The following JAZF1 variants were observed in gnomAD, a reference collection of about 807,000 sequenced individuals.
The protein encoded by JAZF1 is juxtaposed with another zinc finger protein 1.
JAZF1 carries 8 observed loss-of-function variants against 26.4 expected under a neutral mutation model. That is an observed-to-expected ratio of 0.30 (90% CI 0.18 to 0.55). JAZF1 has a LOEUF of 0.55. Among genes scored for constraint, JAZF1 ranks in the 20% least tolerant of loss-of-function variants. The probability of loss-of-function intolerance (pLI) is 0.94; values close to 1 mark genes in which losing one functional copy is unlikely to be tolerated. For missense variants in JAZF1, 199 were observed against 322.0 expected, an observed-to-expected ratio of 0.62 and a Z score of 2.92; for synonymous variants, 126 against 122.3, an observed-to-expected ratio of 1.03 and a Z score of -0.20.
intron 1 of JAZF1, among the ~76,000 whole-genome samples, chr7:28,149,079 G>A (rs1484928106): frequency 2.6e-5 from 4 of 152,204 alleles, no homozygotes; most frequent in South Asian, 4.1e-4. Context: ...CTGGCATTAC[G>A]TGCTGTCCCC....
chr7:28,100,014 G>A (rs559402340), intron 1 of JAZF1, among the ~76,000 whole-genome samples: 31 of 152,244 alleles, frequency 2.0e-4, no homozygotes, highest in African/African-American at 7.2e-4. Flanking sequence ...ATATACCCAA[G>A]TACTTAAAGT....
At chr7:27,896,513 C>T (rs1019127957) in intron 2 of JAZF1, among the ~76,000 whole-genome samples, 2 of 152,172 alleles carry the variant, frequency 1.3e-5, no homozygotes, top group East Asian at 1.9e-4. Flanking sequence ...CAACACCTCC[C>T]GCATCAATTA....
chr7:28,063,105 T>G (rs922015998), intron 1 of JAZF1, among the ~76,000 whole-genome samples: 1 of 152,204 alleles, frequency 6.6e-6, no homozygotes, highest in African/African-American at 2.4e-5. Context: ...CCCAAGGATT[T>G]AAAGTCAAAT....
intron 1 of JAZF1, among the ~76,000 whole-genome samples, chr7:28,120,201 AG>A (rs1046854648): frequency 6.6e-6 from 1 of 151,256 alleles, no homozygotes; most frequent in Non-Finnish European, 1.5e-5. Flanking sequence ...TAAGCTTTTC[AG>A]GGGTTTAATG....
At chr7:28,047,742 G>A (rs1440672022) in intron 1 of JAZF1, among the ~76,000 whole-genome samples, 1 of 152,044 alleles carries the variant, frequency 6.6e-6, no homozygotes, top group Admixed American at 6.6e-5. Flanking sequence ...GGCCTTTTAT[G>A]CCGTTAACTA....
chr7:28,158,003 A>G (rs1006840695), intron 1 of JAZF1, among the ~76,000 whole-genome samples: 1 of 152,036 alleles, frequency 6.6e-6, no homozygotes, highest in Non-Finnish European at 1.5e-5. Flanking sequence ...GGATTGCCCA[A>G]TGTCTATTCT....
intron 1 of JAZF1, among the ~76,000 whole-genome samples, chr7:28,055,654 G>A (rs1783692918): frequency 6.6e-6 from 1 of 152,092 alleles, no homozygotes; most frequent in South Asian, 2.1e-4. Context: ...TAAGCTTCAC[G>A]AAGACAAGGC....
chr7:28,089,286 T>C (rs944802843), intron 1 of JAZF1, among the ~76,000 whole-genome samples: 1 of 152,208 alleles, frequency 6.6e-6, no homozygotes, highest in Admixed American at 6.5e-5. Context: ...TTGCTTCCTC[T>C]CTCTCTGCAC....
intron 1 of JAZF1, among the ~76,000 whole-genome samples, chr7:28,129,145 G>C (rs1782749575): frequency 6.6e-6 from 1 of 151,874 alleles, no homozygotes; most frequent in South Asian, 2.1e-4. Context: ...AGTCATACAA[G>C]AAGACCCTCT....
intron 2 of JAZF1, among the ~76,000 whole-genome samples, chr7:27,983,493 C>T (rs4365989): frequency 0.23 from 35,385 of 152,030 alleles, 4,518 homozygotes; most frequent in East Asian, 0.49. Flanking sequence ...CTGAAAATGA[C>T]GGGGAGAATA....
chr7:28,091,201 T>G (rs1447225351), intron 1 of JAZF1, among the ~76,000 whole-genome samples: 1 of 152,106 alleles, frequency 6.6e-6, no homozygotes, highest in East Asian at 1.9e-4. Flanking sequence ...GGAAATAATG[T>G]TATTCATATT....
intron 2 of JAZF1, among the ~76,000 whole-genome samples, chr7:27,979,429 C>G (rs1321635839): frequency 8.3e-6 from 1 of 119,996 alleles, no homozygotes; most frequent in Admixed American, 1.1e-4. Flanking sequence ...TGTTCTATCA[C>G]CCAGGCTGGA....
At chr7:28,110,573 G>A (rs1405275963) in intron 1 of JAZF1, among the ~76,000 whole-genome samples, 7 of 117,734 alleles carry the variant, frequency 5.9e-5, no homozygotes, top group South Asian at 3.5e-4. Flanking sequence ...AAGGAAAAGG[G>A]AAAGGGAAAA....
At chr7:27,957,810 C>T (rs1785124705) in intron 2 of JAZF1, among the ~76,000 whole-genome samples, 1 of 152,090 alleles carries the variant, frequency 6.6e-6, no homozygotes, top group Non-Finnish European at 1.5e-5. Context: ...TAAGAAACCC[C>T]AATTAGTTAA....
intron 1 of JAZF1, among the ~76,000 whole-genome samples, chr7:27,997,858 G>A (rs1786048741): frequency 6.6e-6 from 1 of 152,012 alleles, no homozygotes; most frequent in Non-Finnish European, 1.5e-5. Context: ...ACAGTTGTGA[G>A]CCAATGAGCT....
At chr7:28,112,931 C>T (rs983512253) in intron 1 of JAZF1, among the ~76,000 whole-genome samples, 4 of 152,202 alleles carry the variant, frequency 2.6e-5, no homozygotes, top group Non-Finnish European at 5.9e-5. Context: ...ACGAGGATCT[C>T]AACCCCAGAA....
chr7:28,128,643 T>C (rs994023198), intron 1 of JAZF1, among the ~76,000 whole-genome samples: 1 of 152,210 alleles, frequency 6.6e-6, no homozygotes, highest in Non-Finnish European at 1.5e-5. Flanking sequence ...GCACAGTATA[T>C]TTCAGAACTA....
intron 1 of JAZF1, among the ~76,000 whole-genome samples, chr7:28,036,892 C>T (rs1783303461): frequency 6.6e-6 from 1 of 152,152 alleles, no homozygotes; most frequent in South Asian, 2.1e-4. Context: ...ACCAGCAACC[C>T]TCACGGCAGC....
At chr7:28,019,503 C>T (rs141436493) in intron 1 of JAZF1, among the ~76,000 whole-genome samples, 2 of 152,176 alleles carry the variant, frequency 1.3e-5, no homozygotes, top group East Asian at 3.9e-4. Flanking sequence ...ATAGATGGGA[C>T]AGAACTCACC....
Sources: allele counts gnomAD v4.1 joint callset (sites outside exome capture counted in the v4.1 genomes callset), GRCh38; gene constraint gnomAD v4.1.1; transcripts MANE v1.5; gene names NCBI Gene and HGNC (gene_info 2026-07-23, HGNC 2026-07-21).